Variants in CCND2 observed in about 807,000 individuals in gnomAD.
CCND2 encodes G1/S-specific cyclin-D2.
In CCND2, 6 loss-of-function variants were observed where a neutral mutation model predicts 30.2. The ratio of observed to expected loss-of-function variants is 0.20; its 90% CI spans 0.11 to 0.39. The LOEUF (loss-of-function observed/expected upper bound fraction) is 0.39. CCND2 is among the 10% of genes least tolerant of loss of function. The probability of loss-of-function intolerance (pLI) is 1.00; values close to 1 mark genes in which losing one functional copy is unlikely to be tolerated. For synonymous variants in CCND2, 150 were observed against 153.1 expected (o/e 0.98, Z 0.15); for missense variants, 235 against 373.4 (o/e 0.63, Z 3.06).
intron 3 of CCND2, among the ~76,000 whole-genome samples, chr12:4,286,141 CAA>C (rs1350855636): frequency 1.3e-5 from 2 of 152,154 alleles, no homozygotes; most frequent in African/African-American, 4.8e-5. Flanking sequence ...CAAACTGATA[CAA>C]AAGTTTCTCC....
At chr12:4,275,648 A>G (rs1346882838) in intron 1 of CCND2, among the ~76,000 whole-genome samples, 1 of 151,702 alleles carries the variant, frequency 6.6e-6, no homozygotes, top group Non-Finnish European at 1.5e-5. Flanking sequence ...TTTTGAAAAG[A>G]TGACGAAATC....
In CCND2 at chr12:4,304,930, ATC is replaced by A. The variant is rs1164749223; in HGVS notation, c.*4934_*4935del. The A allele has an allele frequency of 4.9e-5, 11 of 222,700 alleles. No individual in the cohort carries two copies. Among genetic ancestry groups the A allele is most frequent in the Middle Eastern group, 1.3e-3 (1 of 756 alleles). 13.8% of individuals were successfully genotyped at this position (222,700 alleles called of 1,614,324 possible). On this transcript the variant is annotated 3_prime_UTR_variant, in exon 5 of 5. Transcript: ENST00000261254. The surrounding 1 kb of genome is among the most constrained non-coding windows in gnomAD (Gnocchi z 6.2). ...ATCACCCTTATATCATGTACCTCAG[ATC>A]TCTCTCTCTCTCCTCTCTCTCAGTT...
Position 4,304,432 on chromosome 12 carries a change from CAG to C in CCND2, c.*4426_*4427del, listed in dbSNP as rs769503405. 1.3e-5 allele frequency: 3 copies of C among 233,660 alleles called. No individual in the cohort carries two copies. Among genetic ancestry groups the C allele is most frequent in the South Asian group, 1.8e-4 (1 of 5,534 alleles). 14.5% of individuals were successfully genotyped at this position (233,660 alleles called of 1,614,324 possible). A position where few individuals can be genotyped will look rare whatever the true frequency, so the allele number is the denominator to read the frequency against. On this transcript the variant is annotated 3_prime_UTR_variant, in exon 5 of 5. Coordinates refer to ENST00000261254, the MANE Select transcript of CCND2 (RefSeq NM_001759.4). The surrounding 1 kb of genome is among the most constrained non-coding windows in gnomAD (Gnocchi z 6.2). ...GTGCAGGTTTCTATTGGTGTGGACT[CAG>C]AGCAATTTACAAGAGCTGTTCATGC... is the stretch of plus-strand genomic sequence containing the variant.
rs1864281187 is a variant in CCND2 at position 4,303,700 on chromosome 12, G to C, written c.*3691G>C. ...AAGAAGCCTGCAGGAGAAAGCCAAG[G>C]GCAGTTCCCTCCGCAGAACACCCCA... is the stretch of plus-strand genomic sequence containing the variant. On this transcript the variant is annotated 3_prime_UTR_variant, in exon 5 of 5. Coordinates refer to ENST00000261254, the MANE Select transcript of CCND2 (RefSeq NM_001759.4). The surrounding 1 kb of genome is among the most constrained non-coding windows in gnomAD (Gnocchi z 4.6). The C allele has an allele frequency of 4.3e-6, 1 of 233,450 alleles. No individual in the cohort carries two copies. Among genetic ancestry groups the C allele is most frequent in the Non-Finnish European group, 8.5e-6 (1 of 118,054 alleles). 14.5% of individuals were successfully genotyped at this position (233,450 alleles called of 1,614,324 possible). A position where few individuals can be genotyped will look rare whatever the true frequency, so the allele number is the denominator to read the frequency against.
chr12:4,287,108 G>A lies in CCND2; in HGVS notation c.572-1734G>A, dbSNP rs1359582382. On this transcript the variant is annotated intron_variant, in intron 3 of 4. Coordinates refer to ENST00000261254, the MANE Select transcript of CCND2 (RefSeq NM_001759.4). The surrounding 1 kb of genome is among the most constrained non-coding windows in gnomAD (Gnocchi z 4.0). ...TGGCGACAGAGAAGGCGTAGGAGGG[G>A]CGGGTGGACAGCAGGCGTGGGCGCA... Among the ~76,000 whole-genome samples, 1 of 152,242 alleles carries A rather than the reference G, an allele frequency of 6.6e-6. No individual in the cohort carries two copies. Among genetic ancestry groups the A allele is most frequent in the Non-Finnish European group, 1.5e-5 (1 of 68,044 alleles).
At chr12:4,298,157 G>T (rs1864200410) in intron 4 of CCND2, among the ~76,000 whole-genome samples, 1 of 152,330 alleles carries the variant, frequency 6.6e-6, no homozygotes, top group East Asian at 1.9e-4. Context: ...TGGGGAAACT[G>T]AGATCAGAAA....
At chr12:4,279,579 G>A (rs1863920119) in intron 3 of CCND2, among the ~76,000 whole-genome samples, 1 of 152,062 alleles carries the variant, frequency 6.6e-6, no homozygotes, top group Non-Finnish European at 1.5e-5. Context: ...AGCCTTTAAC[G>A]TTGCAATTCC....
rs1487280180 is a variant in CCND2 at position 4,276,169 on chromosome 12, G to C, written c.360G>C (p.Ala120=). The part of the protein sequence containing the change: ...SKLKETSPLT[A]EKLCIYTDNS... ...TCAAAGAGACCAGCCCGCTGACCGCGGAGAAGCTGTGCATTTACACCGACA... is the reference window on the plus strand; with the variant it reads ...TCAAAGAGACCAGCCCGCTGACCGCCGAGAAGCTGTGCATTTACACCGACA... Residue 120 remains alanine (A), a synonymous_variant, in exon 2 of 5, where the codon GCG becomes GCC. Transcript: ENST00000261254. The surrounding 1 kb of genome is among the most constrained non-coding windows in gnomAD (Gnocchi z 4.8). 1 of 1,614,070 alleles carries C rather than the reference G, an allele frequency of 6.2e-7. No individual in the cohort carries two copies. Among genetic ancestry groups the C allele is most frequent in the Non-Finnish European group, 8.5e-7 (1 of 1,180,040 alleles).
intron 1 of CCND2, among the ~76,000 whole-genome samples, chr12:4,275,695 T>TA (rs1273926978): frequency 6.7e-6 from 1 of 149,860 alleles, no homozygotes; most frequent in Non-Finnish European, 1.5e-5. Flanking sequence ...CGCGAAGGAG[T>TA]AGCCAAAGGG....
chr12:4,286,952 C>T (rs767388691), intron 3 of CCND2, among the ~76,000 whole-genome samples: 1 of 152,176 alleles, frequency 6.6e-6, no homozygotes, highest in Non-Finnish European at 1.5e-5. Context: ...CCGGCTGCCC[C>T]GCTTGTGTTA....
In CCND2 at chr12:4,292,619, G is replaced by A. The variant is rs3217879; in HGVS notation, c.720+3629G>A. On this transcript the variant is annotated intron_variant, in intron 4 of 4. Coordinates refer to ENST00000261254, the MANE Select transcript of CCND2 (RefSeq NM_001759.4). ...TCTGGTTGCCAAAATAAACCAGAAC[G>A]CTTCATTCCAAAGAGAAAGCTGAGT... Among the ~76,000 whole-genome samples the A allele has an allele frequency of 5.1e-4, 77 of 152,296 alleles. No homozygotes were observed. In the East Asian group the frequency reaches 0.011, roughly 21 times the overall value.
chr12:4,274,008 A>C lies in CCND2; in HGVS notation c.-33A>C. ...AGAAAAACCTTTTTCCAGGCCGGGGAAAGCAGGAGGGAGAGGGGCCGCCGG... is the reference window on the plus strand; with the variant it reads ...AGAAAAACCTTTTTCCAGGCCGGGGCAAGCAGGAGGGAGAGGGGCCGCCGG... On this transcript the variant is annotated 5_prime_UTR_variant, in exon 1 of 5. Transcript: ENST00000261254. This position sits in a 1 kb window ranked among gnomAD's most constrained non-coding sequence, Gnocchi z 7.7. 1 of 1,593,326 alleles carries C rather than the reference A, an allele frequency of 6.3e-7. No homozygotes were observed. Among genetic ancestry groups the C allele is most frequent in the Non-Finnish European group, 8.6e-7 (1 of 1,169,068 alleles).
chr12:4,283,734 G>A (rs558004833), intron 3 of CCND2, among the ~76,000 whole-genome samples: 4 of 152,322 alleles, frequency 2.6e-5, no homozygotes, highest in South Asian at 4.1e-4. Context: ...GGAGGGAGGC[G>A]GGAATGTCGG....
Position 4,304,747 on chromosome 12 carries a change from G to A in CCND2, c.*4738G>A, listed in dbSNP as rs1864293202. ...CTTTGGGGAAATAAAGTGCCTTACT[G>A]ACTGTAGCCATTACAGTATCCAATG... On this transcript the variant is annotated 3_prime_UTR_variant, in exon 5 of 5. Coordinates refer to ENST00000261254, the MANE Select transcript of CCND2 (RefSeq NM_001759.4). This position sits in a 1 kb window ranked among gnomAD's most constrained non-coding sequence, Gnocchi z 6.2. 1 of 233,586 alleles carries A rather than the reference G, an allele frequency of 4.3e-6. No individual in the cohort carries two copies. Among genetic ancestry groups the A allele is most frequent in the Admixed American group, 5.6e-5 (1 of 17,786 alleles). The allele number at this position is 233,586 out of a possible 1,614,324, so 14.5% of individuals were successfully genotyped here. A position where few individuals can be genotyped will look rare whatever the true frequency, so the allele number is the denominator to read the frequency against.
intron 1 of CCND2, among the ~76,000 whole-genome samples, chr12:4,275,735 C>G (rs983047519): frequency 2.6e-5 from 4 of 152,056 alleles, no homozygotes; most frequent in Non-Finnish European, 4.4e-5. Flanking sequence ...GGCTGCTGCG[C>G]ACTTCTCCGA....
At position 4,291,420 on chromosome 12, in the gene CCND2, T is replaced by G. The variant is rs1002172224; in HGVS notation, c.720+2430T>G. The stretch of plus-strand genomic sequence containing the variant: ...ACGAGTCACGAAGTGGTGTATTTCC[T>G]TCATTCGTTTCTGGAAGTCTTTACT... On this transcript the variant is annotated intron_variant, in intron 4 of 4. Transcript: ENST00000261254. Among the ~76,000 whole-genome samples the G allele has an allele frequency of 3.3e-5, 5 of 152,236 alleles. No individual in the cohort carries two copies. In the South Asian group the frequency reaches 1.0e-3, roughly 32 times the overall value.
chr12:4,285,536 A>G lies in CCND2; in HGVS notation c.572-3306A>G, dbSNP rs763948195. On this transcript the variant is annotated intron_variant, in intron 3 of 4. Coordinates refer to ENST00000261254, the MANE Select transcript of CCND2 (RefSeq NM_001759.4). This position sits in a 1 kb window ranked among gnomAD's most constrained non-coding sequence, Gnocchi z 4.1. ...GCTTTTATTTTCCGTGCATCCTTCCAGTTCATCCATAGGCATATATGTATG... is the reference window on the plus strand; with the variant it reads ...GCTTTTATTTTCCGTGCATCCTTCCGGTTCATCCATAGGCATATATGTATG... The G allele has an allele frequency of 2.3e-4, 111 of 477,900 alleles. No homozygotes were observed. The highest frequency in any genetic ancestry group is 2.3e-4 in the Non-Finnish European group (85 of 366,592). The allele number at this position is 477,900 out of a possible 1,614,324, so 29.6% of individuals were successfully genotyped here.
In CCND2 at chr12:4,301,663, A is replaced by C. The variant is rs3217923; in HGVS notation, c.*1654A>C. 1,495 of 228,506 alleles carry C rather than the reference A, an allele frequency of 6.5e-3. 64 individuals carry two copies. In the East Asian group the frequency reaches 0.085, roughly 13 times the overall value. 14.2% of individuals were successfully genotyped at this position (228,506 alleles called of 1,614,324 possible). A position where few individuals can be genotyped will look rare whatever the true frequency, so the allele number is the denominator to read the frequency against. On this transcript the variant is annotated 3_prime_UTR_variant, in exon 5 of 5. Coordinates refer to ENST00000261254, the MANE Select transcript of CCND2 (RefSeq NM_001759.4). ...CAATCTAAGGGTCTCTCATTTTTTT[A>C]ATTTTGTTTTGTTCAGTTTGGTTTT...
intron 1 of CCND2, 39 bp from the exon 2 acceptor site, chr12:4,275,966 C>G: frequency 2.5e-6 from 3 of 1,196,548 alleles, no homozygotes; most frequent in Non-Finnish European, 3.5e-6. Context: ...GCTATGCTCT[C>G]CACCCCCGCC....
Sources: gnomAD v4.1 joint callset for allele counts (sites outside exome capture counted in the v4.1 genomes callset) on GRCh38, gnomAD v4.1.1 for gene constraint, Gnocchi (gnomAD v3.1) non-coding constraint, MANE v1.5 for transcripts, NCBI Gene and HGNC (gene_info 2026-07-23, HGNC 2026-07-21) for gene names.